The following ADCY8 variants were observed in gnomAD, a reference collection of about 807,000 sequenced individuals.
ADCY8 encodes the protein adenylate cyclase type 8.
A neutral mutation model predicts 119.7 loss-of-function variants in ADCY8; 51 were observed. That is an observed-to-expected ratio of 0.43 (90% CI 0.34 to 0.54). The LOEUF is 0.54. ADCY8 is among the 20% of genes least tolerant of loss of function. The pLI is 0.03. For synonymous variants in ADCY8, 665 were observed against 651.0 expected (o/e 1.02, Z -0.33); for missense variants, 1,383 against 1,598.8 (o/e 0.87, Z 2.30).
Position 130,836,321 on chromosome 8 carries a change from G to GT in ADCY8, c.2630dup (p.Tyr877Ter), listed in dbSNP as rs1255187189. The GT allele has an allele frequency of 6.2e-7, 1 of 1,613,918 alleles. No individual in the cohort carries two copies. The highest frequency in any genetic ancestry group is 8.5e-7 in the Non-Finnish European group (1 of 1,179,874). ...AIYALLTETV[Y>*]AGLFLRYDNL... ...TGTCATAACGCAGAAAGAGGCCTGC[G>GT]TAGACGGTCTCAGTGAGCAGGGCAT... Residue 877 changes from tyrosine (Y) to a stop codon, truncating the protein, a stop_gained and frameshift_variant, in exon 12 of 18, where the codon TAC becomes TAAC. Coordinates refer to ENST00000286355, the MANE Select transcript of ADCY8 (RefSeq NM_001115.3). LOFTEE classifies it high-confidence loss of function.
intron 9 of ADCY8, among the ~76,000 whole-genome samples, chr8:130,852,628 C>A (rs564754559): frequency 6.6e-6 from 1 of 152,172 alleles, no homozygotes; most frequent in African/African-American, 2.4e-5. Context: ...CTTTGAAAGA[C>A]GCTGAGTTGG....
chr8:130,820,731 G>A (rs1053596144), intron 13 of ADCY8, among the ~76,000 whole-genome samples: 2 of 152,172 alleles, frequency 1.3e-5, no homozygotes, highest in South Asian at 4.1e-4. Context: ...AAGAGTAGGG[G>A]CTCATGGAAA....
rs185063265 is a variant in ADCY8 at position 130,987,483 on chromosome 8, T to A, written c.1110+2910A>T. Among the ~76,000 whole-genome samples the A allele has an allele frequency of 5.7e-3, 865 of 152,260 alleles. 6 individuals carry two copies. The highest frequency in any genetic ancestry group is 8.6e-3 in the Non-Finnish European group (582 of 68,012). On this transcript the variant is annotated intron_variant, in intron 2 of 17. Coordinates refer to ENST00000286355, the MANE Select transcript of ADCY8 (RefSeq NM_001115.3). The stretch of plus-strand genomic sequence containing the variant: ...CGGTTGAACAAATTAAATAATTATT[T>A]TTTTTTGTATCCTACCATGAGATAA...
chr8:130,902,794 A>T (rs942867173), intron 7 of ADCY8, among the ~76,000 whole-genome samples: 7 of 151,896 alleles, frequency 4.6e-5, no homozygotes, highest in Admixed American at 1.3e-4. Context: ...ACTTCATGGT[A>T]CTCTCAGCTT....
intron 2 of ADCY8, among the ~76,000 whole-genome samples, chr8:130,977,415 C>T (rs1315722932): frequency 6.6e-6 from 1 of 152,208 alleles, no homozygotes; most frequent in Non-Finnish European, 1.5e-5. Context: ...ATCCAACCTT[C>T]TTTGCTTTTT....
chr8:130,922,177 C>T (rs1052587503), intron 5 of ADCY8, among the ~76,000 whole-genome samples: 1 of 151,892 alleles, frequency 6.6e-6, no homozygotes, highest in African/African-American at 2.4e-5. Flanking sequence ...GACTTCTCAG[C>T]CTCTAGAACT....
At chr8:130,890,717 C>T (rs771406343) in intron 7 of ADCY8, among the ~76,000 whole-genome samples, 1 of 152,134 alleles carries the variant, frequency 6.6e-6, no homozygotes, top group Non-Finnish European at 1.5e-5. Flanking sequence ...GCTAGAGCAC[C>T]AGAGACCACA....
intron 9 of ADCY8, among the ~76,000 whole-genome samples, chr8:130,863,971 C>A (rs986484043): frequency 1.3e-5 from 2 of 152,080 alleles, no homozygotes; most frequent in Non-Finnish European, 2.9e-5. Flanking sequence ...TATTTTCCTG[C>A]TGTTTGAAGA....
At chr8:130,929,567 C>T (rs906534225) in intron 5 of ADCY8, among the ~76,000 whole-genome samples, 7 of 152,076 alleles carry the variant, frequency 4.6e-5, no homozygotes, top group African/African-American at 1.4e-4. Context: ...GAGCTATCCT[C>T]GAGAATCTTT....
At chr8:131,017,734 T>C (rs1352818063) in intron 1 of ADCY8, among the ~76,000 whole-genome samples, 1 of 152,142 alleles carries the variant, frequency 6.6e-6, no homozygotes, top group Non-Finnish European at 1.5e-5. Flanking sequence ...ACTGCATCTT[T>C]GGTTTACTGG....
intron 6 of ADCY8, among the ~76,000 whole-genome samples, chr8:130,907,491 C>T (rs915489820): frequency 6.6e-6 from 1 of 152,202 alleles, no homozygotes; most frequent in Non-Finnish European, 1.5e-5. Context: ...GACTAGACTA[C>T]GTGCTTTATA....
chr8:130,787,433 G>T (rs1229967630), intron 15 of ADCY8, among the ~76,000 whole-genome samples: 1 of 152,192 alleles, frequency 6.6e-6, no homozygotes, highest in Non-Finnish European at 1.5e-5. Context: ...AGATTTGTGT[G>T]TGTGTGCCTG....
chr8:130,937,214 G>C lies in ADCY8; in HGVS notation c.1354-14C>G, dbSNP rs182860620. 251 of 1,611,622 alleles carry C rather than the reference G, an allele frequency of 1.6e-4. 4 individuals are homozygous for C. The African/African-American group carries it at 2.8e-3, about 18-fold the overall frequency. ...GCAGTGATGCTCCTGGAAGGAACAG[G>C]ATAAGAGGGAAAGGTCTATGTCAGC... is the stretch of plus-strand genomic sequence containing the variant. On this transcript the variant is annotated splice_polypyrimidine_tract_variant and intron_variant, in intron 4 of 17. Transcript: ENST00000286355.
At chr8:130,818,892 T>A (rs1222999103) in intron 13 of ADCY8, among the ~76,000 whole-genome samples, 2 of 152,248 alleles carry the variant, frequency 1.3e-5, no homozygotes, top group Non-Finnish European at 2.9e-5. Context: ...ACAGGCTTTG[T>A]GACCTCAGGG....
At chr8:130,832,378 T>G (rs932892330) in intron 12 of ADCY8, among the ~76,000 whole-genome samples, 1 of 152,180 alleles carries the variant, frequency 6.6e-6, no homozygotes, top group Non-Finnish European at 1.5e-5. Flanking sequence ...ACCTTTTACA[T>G]TTTATCTGTT....
chr8:131,032,699 T>G (rs1824033053), intron 1 of ADCY8, among the ~76,000 whole-genome samples: 1 of 152,178 alleles, frequency 6.6e-6, no homozygotes, highest in South Asian at 2.1e-4. Context: ...AAAATCTGGC[T>G]TCCGAAGCAC....
chr8:131,009,741 G>A (rs1772382328), intron 1 of ADCY8, among the ~76,000 whole-genome samples: 1 of 152,220 alleles, frequency 6.6e-6, no homozygotes, highest in African/African-American at 2.4e-5. Context: ...ATCCAGGAAG[G>A]CTCCCTCGAG....
chr8:131,001,485 A>G (rs546590954), intron 1 of ADCY8, among the ~76,000 whole-genome samples: 51 of 151,534 alleles, frequency 3.4e-4, no homozygotes, highest in African/African-American at 1.1e-3. Context: ...ATGGGAATAA[A>G]CCCTTGCCTC....
intron 1 of ADCY8, among the ~76,000 whole-genome samples, chr8:131,009,228 G>A (rs1164803673): frequency 6.6e-6 from 1 of 152,160 alleles, no homozygotes; most frequent in African/African-American, 2.4e-5. Flanking sequence ...TGGAGGCCCA[G>A]GAGGAACAAA....
Sources: allele counts gnomAD v4.1 joint callset (sites outside exome capture counted in the v4.1 genomes callset), GRCh38; gene constraint gnomAD v4.1.1; transcripts MANE v1.5; gene names NCBI Gene and HGNC (gene_info 2026-07-23, HGNC 2026-07-21).